GRM3: variants seen among roughly 807,000 people sequenced by gnomAD.
The protein encoded by GRM3 is glutamate metabotropic receptor 3, also known as metabotropic glutamate receptor 3.
A neutral mutation model predicts 70.5 loss-of-function variants in GRM3; 26 were observed. The ratio of observed to expected loss-of-function variants is 0.37; its 90% CI spans 0.27 to 0.51. The LOEUF (loss-of-function observed/expected upper bound fraction) is 0.51. GRM3 is among the 20% of genes least tolerant of loss of function. The probability of loss-of-function intolerance (pLI) is 0.93; values close to 1 mark genes in which losing one functional copy is unlikely to be tolerated. For synonymous variants in GRM3, 443 were observed against 434.9 expected (o/e 1.02, Z -0.23); for missense variants, 859 against 1,123.8 (o/e 0.76, Z 3.37).
intron 5 of GRM3, among the ~76,000 whole-genome samples, chr7:86,852,730 G>T (rs1009970962): frequency 6.6e-6 from 1 of 152,000 alleles, no homozygotes; most frequent in Non-Finnish European, 1.5e-5. Flanking sequence ...GCATTTTAAC[G>T]TGCATAAGTA....
rs117895724 is a variant in GRM3 at position 86,750,080 on chromosome 7, G to C, written c.-140-14926G>C. ...GTTACTTTTCCCATTCAAGAATGAAGAAACTAGTGAAAAAGAAAGCTGAGG... is the reference window on the plus strand; with the variant it reads ...GTTACTTTTCCCATTCAAGAATGAACAAACTAGTGAAAAAGAAAGCTGAGG... On this transcript the variant is annotated intron_variant, in intron 1 of 5. Transcript: ENST00000361669. 2.2e-3 allele frequency among the ~76,000 whole-genome samples: 336 copies of C among 152,120 alleles called. 8 individuals are homozygous for C. The East Asian group carries it at 0.054, about 25-fold the overall frequency.
Position 86,839,396 on chromosome 7 carries a change from A to G in GRM3, c.1882A>G (p.Met628Val). 1 of 1,614,076 alleles carries G rather than the reference A, an allele frequency of 6.2e-7. No homozygotes were observed. Among genetic ancestry groups the G allele is most frequent in the Non-Finnish European group, 8.5e-7 (1 of 1,179,954 alleles). Residue 628 changes from methionine to valine, a missense_variant, in exon 4 of 6, where the codon ATG becomes GTG. By Grantham distance (21) the Met-to-Val change is conservative. Coordinates refer to ENST00000361669, the MANE Select transcript of GRM3 (RefSeq NM_000840.3). The surrounding 1 kb of genome is among the most constrained non-coding windows in gnomAD (Gnocchi z 4.5). ...GTTTGGGGTTGGCCTGTCATACTGC[A>G]TGACATTCTTCTTCATTGCCAAGCC... ...LLFGVGLSYC[M>V]TFFFIAKPSP... is the part of the protein sequence containing the mutation.
rs78681063 is a variant in GRM3 at position 86,819,129 on chromosome 7, A to G, written c.1325-19710A>G. Among the ~76,000 whole-genome samples, 33 of 152,248 alleles carry G rather than the reference A, an allele frequency of 2.2e-4. No homozygotes were observed. The East Asian group carries it at 6.4e-3, about 29-fold the overall frequency. On this transcript the variant is annotated intron_variant, in intron 3 of 5. Coordinates refer to ENST00000361669, the MANE Select transcript of GRM3 (RefSeq NM_000840.3). ...AAAGAGTACTTCCCTTTATACTGCAATTATCACAGCCAGAGATGCTTGAAG... is the reference window on the plus strand; with the variant it reads ...AAAGAGTACTTCCCTTTATACTGCAGTTATCACAGCCAGAGATGCTTGAAG...
At chr7:86,690,985 T>C (rs1420379842) in intron 1 of GRM3, among the ~76,000 whole-genome samples, 1 of 152,130 alleles carries the variant, frequency 6.6e-6, no homozygotes, top group Non-Finnish European at 1.5e-5. Context: ...ATAAATTATG[T>C]CTAAAATTAA....
Position 86,786,945 on chromosome 7 carries a change from G to A in GRM3, c.1153G>A (p.Glu385Lys), listed in dbSNP as rs753191583. The stretch of plus-strand genomic sequence containing the variant: ...CCTGGCCATCGACAGCAGCAACTAC[G>A]AGCAAGAGTCCAAGATCATGTTTGT... Reference protein sequence around the residue: ...KHLAIDSSNYEQESKIMFVVN... With the variant: ...KHLAIDSSNYKQESKIMFVVN... Residue 385 changes from glutamate (E) to lysine (K), a missense_variant, in exon 3 of 6, where the codon GAG becomes AAG. Transcript: ENST00000361669. The surrounding 1 kb of genome is among the most constrained non-coding windows in gnomAD (Gnocchi z 6.0). The A allele has an allele frequency of 6.2e-7, 1 of 1,614,160 alleles. No individual in the cohort carries two copies. Among genetic ancestry groups the A allele is most frequent in the Non-Finnish European group, 8.5e-7 (1 of 1,179,992 alleles).
chr7:86,715,515 C>A (rs1795293372), intron 1 of GRM3, among the ~76,000 whole-genome samples: 1 of 152,106 alleles, frequency 6.6e-6, no homozygotes, highest in African/African-American at 2.4e-5. Context: ...ACTATCATTA[C>A]AAGTCTATCT....
chr7:86,724,479 T>C (rs1385014666), intron 1 of GRM3, among the ~76,000 whole-genome samples: 1 of 152,128 alleles, frequency 6.6e-6, no homozygotes, highest in Non-Finnish European at 1.5e-5. Flanking sequence ...GTTGTTTTCC[T>C]AGGAGCCCTT....
At chr7:86,706,470 G>A (rs1795059394) in intron 1 of GRM3, among the ~76,000 whole-genome samples, 1 of 152,030 alleles carries the variant, frequency 6.6e-6, no homozygotes, top group African/African-American at 2.4e-5. Context: ...TCAGAATAGG[G>A]GAGGTCACTT....
chr7:86,841,278 G>A (rs1028015480), intron 4 of GRM3, among the ~76,000 whole-genome samples: 5 of 152,066 alleles, frequency 3.3e-5, no homozygotes, highest in Non-Finnish European at 5.9e-5. Context: ...TGAAACCTAT[G>A]GGCTACATTA....
intron 1 of GRM3, among the ~76,000 whole-genome samples, chr7:86,685,654 C>T (rs1406342367): frequency 1.3e-5 from 2 of 152,132 alleles, no homozygotes; most frequent in Non-Finnish European, 2.9e-5. Context: ...CGCCTGTAAT[C>T]CCAGCACTTT....
intron 2 of GRM3, among the ~76,000 whole-genome samples, chr7:86,780,775 G>A (rs1020049995): frequency 2.0e-5 from 3 of 152,294 alleles, no homozygotes; most frequent in East Asian, 1.9e-4. Context: ...TTGATGGCCA[G>A]TCAGTAAACG....
At chr7:86,756,818 T>C (rs1218959257) in intron 1 of GRM3, among the ~76,000 whole-genome samples, 1 of 152,184 alleles carries the variant, frequency 6.6e-6, no homozygotes, top group African/African-American at 2.4e-5. Flanking sequence ...TTCTGAAACA[T>C]TAATTTTGCA....
chr7:86,846,795 C>T (rs1029364400), intron 4 of GRM3, among the ~76,000 whole-genome samples: 2 of 152,192 alleles, frequency 1.3e-5, no homozygotes, highest in African/African-American at 4.8e-5. Context: ...TTCTGTTAAT[C>T]AGCCCCTGAA....
At chr7:86,843,732 A>C (rs77189329) in intron 4 of GRM3, among the ~76,000 whole-genome samples, 3,072 of 152,314 alleles carry the variant, frequency 0.02, 101 homozygotes, top group African/African-American at 0.07. Context: ...AACATAGGCA[A>C]GTCTCTCCTC....
intron 3 of GRM3, among the ~76,000 whole-genome samples, chr7:86,791,788 G>C (rs1196473708): frequency 6.6e-6 from 1 of 151,894 alleles, no homozygotes; most frequent in African/African-American, 2.4e-5. Flanking sequence ...AATGCTCCTG[G>C]TCTACTTTTT....
intron 1 of GRM3, among the ~76,000 whole-genome samples, chr7:86,709,439 C>G (rs1371945944): frequency 6.6e-6 from 1 of 152,084 alleles, no homozygotes; most frequent in Non-Finnish European, 1.5e-5. Context: ...AAATTTTATT[C>G]TCTTGCATAT....
chr7:86,848,841 G>T (rs952858273), intron 4 of GRM3, among the ~76,000 whole-genome samples: 1 of 152,004 alleles, frequency 6.6e-6, no homozygotes, highest in African/African-American at 2.4e-5. Flanking sequence ...CAGGAATCAG[G>T]TCCCAATTCA....
intron 3 of GRM3, among the ~76,000 whole-genome samples, chr7:86,837,975 G>A (rs145346719): frequency 6.6e-6 from 1 of 152,172 alleles, no homozygotes; most frequent in Non-Finnish European, 1.5e-5. Context: ...GTGTATGTTG[G>A]CAAGACAAAC....
At chr7:86,746,979 T>C (rs1372511587) in intron 1 of GRM3, among the ~76,000 whole-genome samples, 1 of 152,106 alleles carries the variant, frequency 6.6e-6, no homozygotes, top group Non-Finnish European at 1.5e-5. Context: ...TTGGGAATCA[T>C]AAACTTAGCT....
Sources: allele counts gnomAD v4.1 joint callset (sites outside exome capture counted in the v4.1 genomes callset), GRCh38; gene constraint gnomAD v4.1.1; non-coding constraint Gnocchi (gnomAD v3.1); transcripts MANE v1.5; gene names NCBI Gene and HGNC (gene_info 2026-07-23, HGNC 2026-07-21).